The following ZNF420 variants were observed in gnomAD, a reference collection of about 807,000 sequenced individuals.
ZNF420 encodes the protein zinc finger protein 420.
ZNF420 carries 31 observed loss-of-function variants against 44.7 expected under a neutral mutation model. The ratio of observed to expected loss-of-function variants is 0.69; its 90% CI spans 0.52 to 0.94. The LOEUF is 0.94. Among genes scored for constraint, ZNF420 ranks in the 40% least tolerant of loss-of-function variants. The pLI is 0.00. For synonymous variants in ZNF420, 245 were observed against 267.4 expected (o/e 0.92, Z 0.82); for missense variants, 681 against 827.9 (o/e 0.82, Z 2.18).
chr19:37,015,400 C>G (rs1315545017), intron 1 of ZNF420, among the ~76,000 whole-genome samples: 2 of 152,114 alleles, frequency 1.3e-5, no homozygotes, highest in East Asian at 3.9e-4. Flanking sequence ...ACAACACACC[C>G]AAGAACAGAC....
intron 1 of ZNF420, among the ~76,000 whole-genome samples, chr19:37,057,265 G>A (rs371844713): frequency 6.6e-6 from 1 of 152,238 alleles, no homozygotes; most frequent in Non-Finnish European, 1.5e-5. Flanking sequence ...CTGCCCGGAC[G>A]GGGATCGGGT....
rs748502732 is a variant in ZNF420, at chr19:37,127,196, C to A, written c.205C>A (p.Gln69Lys). ...GAACACTTATGAAACAGAATTATCC[C>A]AATGGGAAATGAGTGACAGACTTGA... ...EKNTYETELS[Q>K]WEMSDRLENC... Residue 69 changes from glutamine to lysine, a missense_variant, in exon 5 of 5, where the codon CAA (glutamine) becomes AAA (lysine). Gln to Lys is a moderately conservative substitution (Grantham distance 53). Coordinates refer to ENST00000337995, the MANE Select transcript of ZNF420 (RefSeq NM_144689.5). 1 of 1,595,774 alleles carries A rather than the reference C, an allele frequency of 6.3e-7. No individual in the cohort carries two copies. Among genetic ancestry groups the A allele is most frequent in the African/African-American group, 1.4e-5 (1 of 73,958 alleles).
intron 3 of ZNF420, among the ~76,000 whole-genome samples, chr19:37,090,671 C>G (rs1005951403): frequency 6.6e-6 from 1 of 152,034 alleles, no homozygotes; most frequent in Non-Finnish European, 1.5e-5. Context: ...CCTGTAATCC[C>G]AGCACTTTGG....
At chr19:37,069,736 A>G (rs1395751793) in intron 1 of ZNF420, among the ~76,000 whole-genome samples, 2 of 152,152 alleles carry the variant, frequency 1.3e-5, no homozygotes, top group Non-Finnish European at 2.9e-5. Flanking sequence ...AGTTAAAAAA[A>G]TCATAGAACC....
At chr19:37,048,928 C>T (rs1967590941) in intron 1 of ZNF420, among the ~76,000 whole-genome samples, 1 of 145,084 alleles carries the variant, frequency 6.9e-6, no homozygotes, top group African/African-American at 2.5e-5. Context: ...CATGTGTTCT[C>T]ATTGTTCAAT....
intron 4 of ZNF420, among the ~76,000 whole-genome samples, chr19:37,113,815 C>T (rs1970510734): frequency 6.6e-6 from 1 of 151,988 alleles, no homozygotes; most frequent in Admixed American, 6.6e-5. Flanking sequence ...GATTGGCAGC[C>T]CTATTTTTTT....
At chr19:37,035,981 C>T (rs76470527) in intron 1 of ZNF420, among the ~76,000 whole-genome samples, 36,371 of 152,052 alleles carry the variant, frequency 0.24, 5,021 homozygotes, top group Non-Finnish European at 0.32. Context: ...TTAATTTCTG[C>T]AGTCCCCACT....
intron 1 of ZNF420, among the ~76,000 whole-genome samples, chr19:37,054,713 G>A (rs1483932858): frequency 6.6e-6 from 1 of 152,202 alleles, no homozygotes; most frequent in African/African-American, 2.4e-5. Context: ...ACTGTCATGC[G>A]CTGCCATGCC....
At chr19:37,075,742 A>G (rs1968135579), upstream of ZNF420, among the ~76,000 whole-genome samples, 1 of 151,402 alleles carries the variant, frequency 6.6e-6, no homozygotes, top group African/African-American at 2.5e-5. Flanking sequence ...ACTCTGTCTC[A>G]AAACAAAAAC....
At chr19:37,015,214 C>T (rs2074601112) in intron 1 of ZNF420, among the ~76,000 whole-genome samples, 1 of 152,214 alleles carries the variant, frequency 6.6e-6, no homozygotes. Flanking sequence ...TCTCTCAAGT[C>T]CACCTACCTT....
At chr19:37,061,565 G>C (rs1039069911) in intron 1 of ZNF420, among the ~76,000 whole-genome samples, 7 of 152,000 alleles carry the variant, frequency 4.6e-5, no homozygotes, top group African/African-American at 1.7e-4. Context: ...ATTCATAAGT[G>C]GAAAATTGTT....
chr19:37,085,952 TTA>T (rs1968744862), intron 2 of ZNF420, among the ~76,000 whole-genome samples: 1 of 145,704 alleles, frequency 6.9e-6, no homozygotes, highest in East Asian at 2.0e-4. Flanking sequence ...ATTATTATTA[TTA>T]TTATTATTAT....
intron 4 of ZNF420, among the ~76,000 whole-genome samples, chr19:37,108,989 C>T (rs1970242273): frequency 6.6e-6 from 1 of 152,202 alleles, no homozygotes; most frequent in South Asian, 2.1e-4. Flanking sequence ...CCCTTTAGGC[C>T]TACATTTTAA....
At chr19:37,010,427 C>T (rs1304811939) in intron 1 of ZNF420, among the ~76,000 whole-genome samples, 2 of 152,082 alleles carry the variant, frequency 1.3e-5, no homozygotes, top group African/African-American at 4.8e-5. Flanking sequence ...ACTTGAGAAT[C>T]GTTCTCGCAA....
intron 1 of ZNF420, among the ~76,000 whole-genome samples, chr19:37,044,994 G>A (rs2146415486): frequency 6.6e-6 from 1 of 152,260 alleles, no homozygotes; most frequent in Middle Eastern, 3.4e-3. Flanking sequence ...GGGGGCATTG[G>A]TGCCAGTGCA....
In ZNF420 at chr19:37,106,874, G is replaced by C. The variant is rs568363253; in HGVS notation, c.136+15753G>C. Reference sequence around the variant, plus strand: ...GGGTAATAGTGGGGAGAGGGTCAGCGGGAAAACATGTAAACAAAAGTCTCT... The same window carrying C: ...GGGTAATAGTGGGGAGAGGGTCAGCCGGAAAACATGTAAACAAAAGTCTCT... On this transcript the variant is annotated intron_variant, in intron 4 of 4. Coordinates refer to ENST00000337995, the MANE Select transcript of ZNF420 (RefSeq NM_144689.5). The C allele has an allele frequency of 3.9e-5, 6 of 152,124 alleles. No individual in the cohort carries two copies. In the East Asian group the frequency reaches 1.2e-3, roughly 29 times the overall value. The allele number at this position is 152,124 out of a possible 1,614,324, so 9.4% of individuals were successfully genotyped here. A position where few individuals can be genotyped will look rare whatever the true frequency, so the allele number is the denominator to read the frequency against.
At chr19:37,066,320 G>A (rs994504887) in intron 1 of ZNF420, among the ~76,000 whole-genome samples, 4 of 152,098 alleles carry the variant, frequency 2.6e-5, no homozygotes, top group African/African-American at 9.7e-5. Flanking sequence ...GCATGCGCCT[G>A]TAGTCCCAGC....
At chr19:37,026,089 G>A (rs887101068) in intron 1 of ZNF420, among the ~76,000 whole-genome samples, 4 of 151,954 alleles carry the variant, frequency 2.6e-5, no homozygotes, top group Non-Finnish European at 4.4e-5. Context: ...AGAGGCGGGC[G>A]GATGACCTGA....
At chr19:37,056,784 G>T (rs1049573411) in intron 1 of ZNF420, among the ~76,000 whole-genome samples, 1 of 152,232 alleles carries the variant, frequency 6.6e-6, no homozygotes, top group Non-Finnish European at 1.5e-5. Flanking sequence ...CTCCTCCACC[G>T]GTAGGAGTTG....
Sources: gnomAD v4.1 joint callset for allele counts (sites outside exome capture counted in the v4.1 genomes callset) on GRCh38, gnomAD v4.1.1 for gene constraint, MANE v1.5 for transcripts, NCBI Gene and HGNC (gene_info 2026-07-23, HGNC 2026-07-21) for gene names.